Variants in UNC5C observed in about 807,000 individuals in gnomAD.
The protein encoded by UNC5C is unc-5 netrin receptor C, also known as netrin receptor UNC5C.
A neutral mutation model predicts 99.8 loss-of-function variants in UNC5C; 47 were observed. That is an observed-to-expected ratio of 0.47 (90% CI 0.37 to 0.60). The LOEUF (loss-of-function observed/expected upper bound fraction) is 0.60, where lower values mean the gene tolerates loss of function less well. Ranked by LOEUF, UNC5C falls within the 20% of genes least tolerant of loss-of-function variation. The probability of loss-of-function intolerance (pLI) is 0.00; values close to 1 mark genes in which losing one functional copy is unlikely to be tolerated. For missense variants in UNC5C, 1,062 were observed against 1,165.9 expected (o/e 0.91, Z 1.30); for synonymous variants, 487 against 452.2 (o/e 1.08, Z -0.98).
At chr4:95,476,297 T>C (rs1480444625) in intron 1 of UNC5C, among the ~76,000 whole-genome samples, 1 of 152,062 alleles carries the variant, frequency 6.6e-6, no homozygotes, top group East Asian at 1.9e-4. Flanking sequence ...GGTAAATATT[T>C]CTGTTTGAAA....
intron 1 of UNC5C, among the ~76,000 whole-genome samples, chr4:95,379,781 G>A (rs976050926): frequency 1.3e-5 from 2 of 152,126 alleles, no homozygotes; most frequent in African/African-American, 4.8e-5. Flanking sequence ...GAACGGCTTG[G>A]TACTTCTTAG....
intron 10 of UNC5C, 53 bp from the exon 11 acceptor site, chr4:95,206,849 C>A: frequency 7.1e-7 from 1 of 1,416,000 alleles, no homozygotes; most frequent in Non-Finnish European, 9.3e-7. Context: ...TATTCATGAA[C>A]TATGCACTTG....
intron 3 of UNC5C, among the ~76,000 whole-genome samples, chr4:95,299,813 T>A (rs1741805215): frequency 6.6e-6 from 1 of 152,032 alleles, no homozygotes; most frequent in Admixed American, 6.5e-5. Flanking sequence ...CCACAACACA[T>A]GGGGATGATT....
Position 95,297,806 on chromosome 4 carries a change from T to G in UNC5C, c.490+3800A>C, listed in dbSNP as rs1025022183. Among the ~76,000 whole-genome samples, 66 of 152,216 alleles carry G rather than the reference T, an allele frequency of 4.3e-4. 2 individuals are homozygous for G. Among genetic ancestry groups the G allele is most frequent in the Non-Finnish European group, 1.2e-4 (8 of 68,040 alleles). On this transcript the variant is annotated intron_variant, in intron 3 of 15. Coordinates refer to ENST00000453304, the MANE Select transcript of UNC5C (RefSeq NM_003728.4). Reference sequence around the variant, plus strand: ...CTACTTTTAAATATATCTGAAATCCTGGCCTCACCACCTCCACTGCTTCCA... The same window carrying G: ...CTACTTTTAAATATATCTGAAATCCGGGCCTCACCACCTCCACTGCTTCCA...
chr4:95,402,421 T>C (rs1054665475), intron 1 of UNC5C, among the ~76,000 whole-genome samples: 3 of 152,196 alleles, frequency 2.0e-5, no homozygotes, highest in Non-Finnish European at 4.4e-5. Context: ...TTTTGTATAA[T>C]CAGCACAATC....
chr4:95,181,156 CCCCG>C (rs1736596012), intron 14 of UNC5C, among the ~76,000 whole-genome samples: 1 of 152,208 alleles, frequency 6.6e-6, no homozygotes, highest in African/African-American at 2.4e-5. Flanking sequence ...CTCACTTCTT[CCCCG>C]CCCTCAGTTA....
intron 1 of UNC5C, among the ~76,000 whole-genome samples, chr4:95,544,944 C>T (rs17452337): frequency 0.05 from 7,653 of 152,266 alleles, 211 homozygotes; most frequent in Non-Finnish European, 0.065. Context: ...AAGTGTTAAA[C>T]GCAGTTAAGG....
intron 1 of UNC5C, among the ~76,000 whole-genome samples, chr4:95,534,361 A>C (rs1578213830): frequency 6.6e-6 from 1 of 152,296 alleles, no homozygotes; most frequent in Admixed American, 6.5e-5. Context: ...CTTCCTATCA[A>C]GTTGACACAT....
chr4:95,170,119 G>A, intron 15 of UNC5C, 35 bp downstream of exon 15: 1 of 1,601,566 alleles, frequency 6.2e-7, no homozygotes, highest in South Asian at 1.1e-5. Flanking sequence ...GGCACTAACA[G>A]AAAGAAGCTA....
At position 95,168,486 on chromosome 4, in the gene UNC5C, T is replaced by C. The variant is rs1735945071; in HGVS notation, c.*748A>G. On this transcript the variant is annotated 3_prime_UTR_variant, in exon 16 of 16. Coordinates refer to ENST00000453304, the MANE Select transcript of UNC5C (RefSeq NM_003728.4). Reference sequence around the variant, plus strand: ...TGCATATTACAAACAAACACACATGTTGTGAAAAAAATGCTTGTTTGTGGG... The same window carrying C: ...TGCATATTACAAACAAACACACATGCTGTGAAAAAAATGCTTGTTTGTGGG... 6.6e-6 allele frequency: 1 copy of C among 152,636 alleles called. No homozygotes were observed. Among genetic ancestry groups the C allele is most frequent in the African/African-American group, 2.4e-5 (1 of 41,450 alleles). 9.5% of individuals were successfully genotyped at this position (152,636 alleles called of 1,614,324 possible). A position where few individuals can be genotyped will look rare whatever the true frequency, so the allele number is the denominator to read the frequency against.
At chr4:95,273,562 A>G (rs1436536619) in intron 4 of UNC5C, among the ~76,000 whole-genome samples, 2 of 152,192 alleles carry the variant, frequency 1.3e-5, no homozygotes, top group Non-Finnish European at 2.9e-5. Context: ...TTGCTTCTTC[A>G]GGGAGATGGG....
chr4:95,304,929 C>A (rs542626373), intron 2 of UNC5C, among the ~76,000 whole-genome samples: 1 of 152,272 alleles, frequency 6.6e-6, no homozygotes, highest in South Asian at 2.1e-4. Flanking sequence ...CCACTGTATC[C>A]TTTAGCTCAA....
chr4:95,401,041 G>A (rs1745678160), intron 1 of UNC5C, among the ~76,000 whole-genome samples: 1 of 151,888 alleles, frequency 6.6e-6, no homozygotes. Flanking sequence ...TGGATGTTAA[G>A]GTATTCTCTT....
Position 95,301,625 on chromosome 4 carries a change from C to G in UNC5C, c.471G>C (p.Lys157Asn). Residue 157 changes from lysine (K) to asparagine (N), a missense_variant, in exon 3 of 16, where the codon AAG becomes AAC. Physicochemically the swap from Lys to Asn is moderately conservative, Grantham distance 94. Coordinates refer to ENST00000453304, the MANE Select transcript of UNC5C (RefSeq NM_003728.4). ...ACTCACATGCAATGCGCACATACGC[C>G]TTCCGGCTCTTTGTGGTACCCGCGG... is the stretch of plus-strand genomic sequence containing the variant. Reference protein sequence around the residue: ...WSSAGTTKSRKAYVRIAYLRK... With the variant: ...WSSAGTTKSRNAYVRIAYLRK... 3 of 1,614,058 alleles carry G rather than the reference C, an allele frequency of 1.9e-6. No individual in the cohort carries two copies. Among genetic ancestry groups the G allele is most frequent in the Non-Finnish European group, 2.5e-6 (3 of 1,180,004 alleles).
At chr4:95,502,088 T>C (rs1721789836) in intron 1 of UNC5C, among the ~76,000 whole-genome samples, 1 of 152,128 alleles carries the variant, frequency 6.6e-6, no homozygotes, top group Non-Finnish European at 1.5e-5. Context: ...ATCATGGTGC[T>C]GTGTTCTTAC....
intron 2 of UNC5C, among the ~76,000 whole-genome samples, chr4:95,319,829 A>G (rs530124813): frequency 6.6e-6 from 1 of 152,292 alleles, no homozygotes; most frequent in East Asian, 1.9e-4. Context: ...GGAGAGAGAA[A>G]TAGCATCAAG....
intron 1 of UNC5C, among the ~76,000 whole-genome samples, chr4:95,544,598 A>G (rs377200293): frequency 6.6e-6 from 1 of 152,200 alleles, no homozygotes. Flanking sequence ...GCCTGGTTAC[A>G]TTCCGTTTCT....
rs770817442 is a variant in UNC5C, at chr4:95,206,650, T to C, written c.1880A>G (p.Gln627Arg). 1.9e-6 allele frequency: 3 copies of C among 1,614,176 alleles called. No individual in the cohort carries two copies. The South Asian group carries it at 3.3e-5, about 18-fold the overall frequency. Reference sequence around the variant, plus strand: ...CACCTCCCACTGTCCCTGTGCTGCCTGGTTCTTGAGCAGTATTTTCCAGTC... The same window carrying C: ...CACCTCCCACTGTCCCTGTGCTGCCCGGTTCTTGAGCAGTATTTTCCAGTC... ...TEDWKILLKN[Q>R]AAQGQWEDVV... The change falls in exon 11 of 16, where the codon CAG (glutamine) becomes CGG (arginine). Residue 627 changes from glutamine (Q) to arginine (R), a missense_variant. Physicochemically the swap from Gln to Arg is conservative, Grantham distance 43 (BLOSUM62 1). Coordinates refer to ENST00000453304, the MANE Select transcript of UNC5C (RefSeq NM_003728.4).
chr4:95,162,549 C>T lies in UNC5C; in HGVS notation c.*6685G>A, dbSNP rs971217947. 4 of 152,130 alleles carry T rather than the reference C, an allele frequency of 2.6e-5. No individual in the cohort carries two copies. The highest frequency in any genetic ancestry group is 4.4e-5 in the Non-Finnish European group (3 of 68,022). The allele number at this position is 152,130 out of a possible 1,614,324, so 9.4% of individuals were successfully genotyped here. On this transcript the variant is annotated 3_prime_UTR_variant, in exon 16 of 16. Coordinates refer to ENST00000453304, the MANE Select transcript of UNC5C (RefSeq NM_003728.4). ...TTTATTACCTGTTTAAAAATTCTTT[C>T]TTACATTTTGTACATGTTGGCTGAC...
Sources: allele counts gnomAD v4.1 joint callset (sites outside exome capture counted in the v4.1 genomes callset), GRCh38; gene constraint gnomAD v4.1.1; transcripts MANE v1.5; gene names NCBI Gene and HGNC (gene_info 2026-07-23, HGNC 2026-07-21).